The following CNTNAP4 variants were observed in gnomAD, a reference collection of about 807,000 sequenced individuals.
The protein encoded by CNTNAP4 is contactin-associated protein-like 4.
Under a neutral mutation model 148.4 loss-of-function variants are expected in CNTNAP4, and 98 were observed. The observed-to-expected ratio is 0.66, with a 90% CI of 0.56 to 0.78. CNTNAP4 has a LOEUF of 0.78. Ranked by LOEUF, CNTNAP4 falls within the 30% of genes least tolerant of loss-of-function variation. The pLI, the probability that CNTNAP4 is intolerant of heterozygous loss-of-function variation, is 0.00. For missense variants in CNTNAP4, 1,935 were observed against 1,565.6 expected (o/e 1.24, Z -3.98); for synonymous variants, 730 against 565.1 (o/e 1.29, Z -4.14).
intron 3 of CNTNAP4, among the ~76,000 whole-genome samples, chr16:76,410,748 A>G (rs557956178): frequency 6.6e-5 from 10 of 151,852 alleles, no homozygotes; most frequent in Non-Finnish European, 1.5e-4. Context: ...CCAAAATAAC[A>G]CACCATCATA....
rs758532902 is a variant in CNTNAP4, at chr16:76,452,760, A to G, written c.1324A>G (p.Ile442Val). ...CCAGCCAGGAAAATTACCCAGTGAC[A>G]TCACAGCAGGTAATAAATGTATTCC... ...LYQPGKLPSDITAGVELNDGQ... is the reference protein window; with the variant it reads ...LYQPGKLPSDVTAGVELNDGQ... Residue 442 changes from isoleucine (I) to valine (V), a missense_variant, in exon 8 of 24, where the codon ATC becomes GTC. Ile to Val is a conservative substitution (Grantham distance 29, BLOSUM62 3). Transcript: ENST00000611870. 2 of 1,581,070 alleles carry G rather than the reference A, an allele frequency of 1.3e-6. No individual in the cohort carries two copies. Among genetic ancestry groups the G allele is most frequent in the South Asian group, 1.2e-5 (1 of 85,874 alleles).
Position 76,539,769 on chromosome 16 carries a change from G to T in CNTNAP4, c.3271G>T (p.Val1091Phe). ...KLNKYQEPDV[V>F]NFDFKNMADG... ...AAATAAATATCAAGAGCCTGATGTTGTTAACTTTGATTTTAAAAACATGGC... is the reference window on the plus strand; with the variant it reads ...AAATAAATATCAAGAGCCTGATGTTTTTAACTTTGATTTTAAAAACATGGC... Residue 1091 changes from valine to phenylalanine, a missense_variant, in exon 20 of 24, where the codon GTT becomes TTT. Coordinates refer to ENST00000611870, the MANE Select transcript of CNTNAP4 (RefSeq NM_033401.5). The T allele has an allele frequency of 6.2e-7, 1 of 1,601,174 alleles. No homozygotes were observed.
At chr16:76,363,974 G>A (rs574792905) in intron 3 of CNTNAP4, among the ~76,000 whole-genome samples, 55 of 151,666 alleles carry the variant, frequency 3.6e-4, no homozygotes, top group African/African-American at 1.3e-3. Context: ...AAATACATAT[G>A]GCCTGTAATC....
At chr16:76,362,274 A>G (rs945073703) in intron 3 of CNTNAP4, among the ~76,000 whole-genome samples, 1 of 152,194 alleles carries the variant, frequency 6.6e-6, no homozygotes, top group Admixed American at 6.5e-5. Flanking sequence ...AAATGAAAAA[A>G]TTTCTGTGTT....
chr16:76,460,775 T>A (rs12924204), intron 8 of CNTNAP4, among the ~76,000 whole-genome samples: 7,832 of 46,538 alleles, frequency 0.17, 680 homozygotes, highest in South Asian at 0.26. Context: ...AAAAAAAAAA[T>A]ATATATATAT....
intron 1 of CNTNAP4, among the ~76,000 whole-genome samples, chr16:76,290,350 G>C (rs1193098649): frequency 1.3e-5 from 2 of 152,066 alleles, no homozygotes; most frequent in Admixed American, 6.6e-5. Flanking sequence ...CAAGGTTCTC[G>C]CTCTGGCACG....
At chr16:76,397,570 G>C (rs2078245103) in intron 3 of CNTNAP4, among the ~76,000 whole-genome samples, 2 of 151,974 alleles carry the variant, frequency 1.3e-5, no homozygotes, top group Non-Finnish European at 2.9e-5. Flanking sequence ...AGAATATATA[G>C]CAACTGTTAC....
chr16:76,374,049 C>T (rs1240476770), intron 3 of CNTNAP4, among the ~76,000 whole-genome samples: 2 of 152,070 alleles, frequency 1.3e-5, no homozygotes. Flanking sequence ...TTGTAATTGG[C>T]TTTTGAATAC....
At chr16:76,279,140 G>T (rs1958591725) in intron 1 of CNTNAP4, among the ~76,000 whole-genome samples, 1 of 152,158 alleles carries the variant, frequency 6.6e-6, no homozygotes, top group Non-Finnish European at 1.5e-5. Context: ...ACAAATGGAA[G>T]TTCTGTAGAA....
At chr16:76,455,245 G>T (rs6564342) in intron 8 of CNTNAP4, among the ~76,000 whole-genome samples, 4 of 151,982 alleles carry the variant, frequency 2.6e-5, no homozygotes, top group African/African-American at 7.3e-5. Flanking sequence ...CAAAGTTTTT[G>T]ATATCAAATT....
chr16:76,394,415 A>AT (rs1464418665), intron 3 of CNTNAP4, among the ~76,000 whole-genome samples: 1 of 152,324 alleles, frequency 6.6e-6, no homozygotes, highest in African/African-American at 2.4e-5. Flanking sequence ...ATTAACTGTG[A>AT]TAAAAATGGA....
At chr16:76,434,840 T>C (rs2079759011) in intron 4 of CNTNAP4, among the ~76,000 whole-genome samples, 1 of 152,002 alleles carries the variant, frequency 6.6e-6, no homozygotes, top group Admixed American at 6.6e-5. Flanking sequence ...ACAGGATGAG[T>C]CTGGGGACGC....
At chr16:76,437,483 A>G (rs1228032615) in intron 4 of CNTNAP4, among the ~76,000 whole-genome samples, 1 of 152,182 alleles carries the variant, frequency 6.6e-6, no homozygotes, top group Admixed American at 6.5e-5. Context: ...GCATCAGTTG[A>G]AGAGGCTCTC....
chr16:76,495,324 GAATT>G, intron 14 of CNTNAP4: 1 of 225,090 alleles, frequency 4.4e-6, no homozygotes, highest in Admixed American at 5.3e-5. Flanking sequence ...GTTATATGGG[GAATT>G]AATTATTATT....
At chr16:76,467,294 T>C in intron 9 of CNTNAP4, 58 bp from the exon 10 acceptor site, 1 of 1,468,630 alleles carries the variant, frequency 6.8e-7, no homozygotes, top group South Asian at 1.2e-5. Flanking sequence ...TGAAGTTATC[T>C]ATGATCCTGA....
At chr16:76,371,704 A>G (rs1371785647) in intron 3 of CNTNAP4, among the ~76,000 whole-genome samples, 2 of 152,158 alleles carry the variant, frequency 1.3e-5, no homozygotes, top group South Asian at 2.1e-4. Context: ...TCCAGTCCTA[A>G]CCTTGGCATA....
At position 76,538,160 on chromosome 16, in the gene CNTNAP4, T is replaced by C; in HGVS notation, c.3040T>C (p.Phe1014Leu). 1 of 1,594,626 alleles carries C rather than the reference T, an allele frequency of 6.3e-7. No individual in the cohort carries two copies. The highest frequency in any genetic ancestry group is 2.3e-5 in the East Asian group (1 of 44,162). Residue 1014 changes from phenylalanine to leucine, a missense_variant, in exon 19 of 24, where the codon TTT (phenylalanine) becomes CTT (leucine). By Grantham distance (22) the Phe-to-Leu change is conservative (BLOSUM62 0). Transcript: ENST00000611870. ...FGSGSSVIYN[F>L]QENYLLSKNS... is the part of the protein sequence containing the mutation. The stretch of plus-strand genomic sequence containing the variant: ...ATCTGGCTCATCCGTGATATACAAT[T>C]TTCAAGAAAATTATCTTTTAAGTAA...
chr16:76,485,109 C>A (rs918265517), intron 12 of CNTNAP4, among the ~76,000 whole-genome samples: 1 of 151,964 alleles, frequency 6.6e-6, no homozygotes, highest in Non-Finnish European at 1.5e-5. Flanking sequence ...ATTGCTTTTT[C>A]TTTTCTTTTC....
chr16:76,551,202 G>C (rs2084938420), intron 21 of CNTNAP4, among the ~76,000 whole-genome samples: 2 of 152,030 alleles, frequency 1.3e-5, no homozygotes, highest in Non-Finnish European at 2.9e-5. Flanking sequence ...CTTGAGGCCA[G>C]GAGTTCAAGA....
Sources: allele counts gnomAD v4.1 joint callset (sites outside exome capture counted in the v4.1 genomes callset), GRCh38; gene constraint gnomAD v4.1.1; transcripts MANE v1.5; gene names NCBI Gene and HGNC (gene_info 2026-07-23, HGNC 2026-07-21).